The following FN1 variants were observed in gnomAD, a reference collection of about 807,000 sequenced individuals.
FN1 encodes the protein fibronectin.
In FN1, 106 loss-of-function variants were observed where a neutral mutation model predicts 297.3. That is an observed-to-expected ratio of 0.36 (90% confidence interval 0.30 to 0.42). The LOEUF (loss-of-function observed/expected upper bound fraction) is 0.42, where lower values mean the gene tolerates loss of function less well. Ranked by LOEUF, FN1 falls within the 10% of genes least tolerant of loss-of-function variation. The pLI, the probability that FN1 is intolerant of heterozygous loss-of-function variation, is 1.00. For synonymous variants in FN1, 1,149 were observed against 1,152.6 expected (o/e 1.00, Z 0.06); for missense variants, 2,690 against 3,124.9 (o/e 0.86, Z 3.32).
In FN1 at chr2:215,404,540, G is replaced by A. The variant is rs1488485663; in HGVS notation, c.3102C>T (p.Thr1034=). ...TGTACTGCCTGGGCTGTCCTCTTCGGGTAAGGCCCACGGTCAGTCGGTATC... is the reference window on the plus strand; with the variant it reads ...TGTACTGCCTGGGCTGTCCTCTTCGAGTAAGGCCCACGGTCAGTCGGTATC... ...ITGYRLTVGL[T]RRGQPRQYNV... is the part of the protein sequence containing the mutation. The change falls in exon 20 of 46, where the codon ACC becomes ACT. Residue 1034 remains threonine, a synonymous_variant. Coordinates refer to ENST00000354785, the MANE Select transcript of FN1 (RefSeq NM_212482.4). 6.2e-7 allele frequency: 1 copy of A among 1,614,128 alleles called. No homozygotes were observed. Among genetic ancestry groups the A allele is most frequent in the Admixed American group, 1.7e-5 (1 of 60,016 alleles).
Position 215,384,015 on chromosome 2 carries a change from T to A in FN1, c.4894+5A>T, listed in dbSNP as rs775412418. ...CTGGTGTCACCCCAGAGTAGAAGTT[T>A]GTACCTGTTCGGTAATTAATGGAAA... On this transcript the variant is annotated splice_donor_5th_base_variant and intron_variant, in intron 30 of 45. Coordinates refer to ENST00000354785, the MANE Select transcript of FN1 (RefSeq NM_212482.4). 4.3e-6 allele frequency: 7 copies of A among 1,613,898 alleles called. No homozygotes were observed. The African/African-American group carries it at 9.3e-5, about 22-fold the overall frequency.
chr2:215,388,140 G>T, intron 27 of FN1, 72 bp downstream of exon 27: 1 of 1,056,156 alleles, frequency 9.5e-7, no homozygotes, highest in Non-Finnish European at 1.5e-6. Context: ...ATTTTTAGAA[G>T]TAGCATTTCA....
Position 215,404,568 on chromosome 2 carries a change from G to C in FN1, c.3074C>G (p.Thr1025Arg). 1 of 1,614,098 alleles carries C rather than the reference G, an allele frequency of 6.2e-7. No individual in the cohort carries two copies. Among genetic ancestry groups the C allele is most frequent in the Non-Finnish European group, 8.5e-7 (1 of 1,179,996 alleles). Residue 1025 changes from threonine (T) to arginine (R), a missense_variant, in exon 20 of 46, where the codon ACA becomes AGA. Thr to Arg is a moderately conservative substitution (Grantham distance 71, BLOSUM62 -1). This residue lies in a region of FN1 where 1,743 missense variants were observed against 1,945.2 expected (regional missense o/e 0.90). Transcript: ENST00000354785. The stretch of plus-strand genomic sequence containing the variant: ...AAGGCCCACGGTCAGTCGGTATCCT[G>C]TTATCTGGGCCCGAGGTGGAGTCCA... ...VRWTPPRAQI[T>R]GYRLTVGLTR...
At position 215,406,289 on chromosome 2, in the gene FN1, C is replaced by A; in HGVS notation, c.2935G>T (p.Ala979Ser). The A allele has an allele frequency of 6.2e-7, 1 of 1,614,200 alleles. No individual in the cohort carries two copies. Among genetic ancestry groups the A allele is most frequent in the Middle Eastern group, 1.6e-4 (1 of 6,062 alleles). ...TTGCTCTCCCTCCCATGGCTCACTG[C>A]AAAGACTTTGAAGTAATAGGTGACC... ...PGVTYYFKVF[A>S]VSHGRESKPL... Residue 979 changes from alanine to serine, a missense_variant, in exon 19 of 46, where the codon GCA (alanine) becomes TCA (serine). Coordinates refer to ENST00000354785, the MANE Select transcript of FN1 (RefSeq NM_212482.4).
At chr2:215,401,370 A>C (rs2061149301) in intron 20 of FN1, among the ~76,000 whole-genome samples, 1 of 152,098 alleles carries the variant, frequency 6.6e-6, no homozygotes, top group Admixed American at 6.5e-5. Flanking sequence ...AGAAAGAGGC[A>C]TGTATATATA....
chr2:215,382,442 T>G, intron 31 of FN1, 117 bp from the exon 32 acceptor site: 1 of 703,376 alleles, frequency 1.4e-6, no homozygotes, highest in Non-Finnish European at 2.6e-6. Flanking sequence ...TTTGCAGAAT[T>G]GTAACAAAAA....
chr2:215,376,117 A>G (rs1369864144), intron 36 of FN1, among the ~76,000 whole-genome samples: 1 of 152,216 alleles, frequency 6.6e-6, no homozygotes, highest in African/African-American at 2.4e-5. Flanking sequence ...TTCGGTTACA[A>G]TTTTGGCCTT....
rs577845927 is a variant in FN1 at position 215,401,169 on chromosome 2, AAGAG to A, written c.3254-1822_3254-1819del. ...TAGCACCAAAAATAAGAAAGAAAGA[AAGAG>A]AGAGAGAGTGAGAGAGAAAGAAAGA... On this transcript the variant is annotated intron_variant, in intron 20 of 45. Coordinates refer to ENST00000354785, the MANE Select transcript of FN1 (RefSeq NM_212482.4). 1.2e-3 allele frequency among the ~76,000 whole-genome samples: 149 copies of A among 127,220 alleles called. 3 individuals carry two copies. The East Asian group carries it at 0.015, about 13-fold the overall frequency. 83.5% of individuals were successfully genotyped at this position (127,220 alleles called of 152,430 possible). A position where few individuals can be genotyped will look rare whatever the true frequency, so the allele number is the denominator to read the frequency against.
rs752106647 is a variant in FN1 at position 215,406,406 on chromosome 2, C to T, written c.2818G>A (p.Asp940Asn). The stretch of plus-strand genomic sequence containing the variant: ...CCAGGCAGGTTGACGGGGATCACAT[C>T]CACACGGTAGCCGGTCACTGCACTC... ...PESAVTGYRV[D>N]VIPVNLPGEH... is the part of the protein sequence containing the mutation. The change falls in exon 19 of 46, where the codon GAT becomes AAT. Residue 940 changes from aspartate to asparagine, a missense_variant. Coordinates refer to ENST00000354785, the MANE Select transcript of FN1 (RefSeq NM_212482.4). 1.2e-6 allele frequency: 2 copies of T among 1,614,178 alleles called. No individual in the cohort carries two copies. The highest frequency in any genetic ancestry group is 1.7e-5 in the Admixed American group (1 of 60,028).
chr2:215,403,271 A>G (rs1298965125), intron 20 of FN1, among the ~76,000 whole-genome samples: 1 of 152,206 alleles, frequency 6.6e-6, no homozygotes, highest in East Asian at 1.9e-4. Flanking sequence ...TTCATGAGCC[A>G]AACTTCATAC....
chr2:215,423,823 A>G (rs1281508044), intron 8 of FN1, among the ~76,000 whole-genome samples: 2 of 152,206 alleles, frequency 1.3e-5, no homozygotes, highest in Non-Finnish European at 2.9e-5. Context: ...TAAGGCACTA[A>G]AACATTCATC....
intron 39 of FN1, among the ~76,000 whole-genome samples, chr2:215,372,696 TTCTC>T (rs148921427): frequency 2.0e-5 from 3 of 152,224 alleles, no homozygotes; most frequent in South Asian, 2.1e-4. Context: ...GTCTTTCTCT[TTCTC>T]TCTTTCTTTT....
chr2:215,424,320 T>C lies in FN1; in HGVS notation c.1042A>G (p.Thr348Ala). ...TTTGAGTTGCCACCGTAAGTCTGGG[T>C]TACAGCTACAATCATAATCAAAAGA... ...NGVSCQETAV[T>A]QTYGGNSNGE... Residue 348 changes from threonine to alanine, a missense_variant, in exon 8 of 46, where the codon ACC becomes GCC. Around this residue, in one of 3 missense-constraint regions of FN1, gnomAD observed 876 missense variants for 1,058.1 expected, o/e 0.83. Coordinates refer to ENST00000354785, the MANE Select transcript of FN1 (RefSeq NM_212482.4). 6.2e-7 allele frequency: 1 copy of C among 1,613,532 alleles called. No individual in the cohort carries two copies.
Position 215,372,283 on chromosome 2 carries a change from C to G in FN1, c.6340G>C (p.Val2114Leu). 1 of 1,614,092 alleles carries G rather than the reference C, an allele frequency of 6.2e-7. No homozygotes were observed. The highest frequency in any genetic ancestry group is 8.5e-7 in the Non-Finnish European group (1 of 1,180,016). ...CCAGTGTCATACCCAGGGTGGGTGA[C>G]GAAAGGGGTCTTTTGAACTGTGGAA... is the stretch of plus-strand genomic sequence containing the variant. Reference protein sequence around the residue: ...VPSTVQKTPFVTHPGYDTGNG... With the variant: ...VPSTVQKTPFLTHPGYDTGNG... The change falls in exon 40 of 46, where the codon GTC becomes CTC. Residue 2114 changes from valine to leucine, a missense_variant. Around this residue, in one of 3 missense-constraint regions of FN1, gnomAD observed 1,743 missense variants for 1,945.2 expected, o/e 0.90. Transcript: ENST00000354785.
chr2:215,411,603 A>T (rs1037579250), intron 13 of FN1, among the ~76,000 whole-genome samples: 2 of 152,012 alleles, frequency 1.3e-5, no homozygotes, highest in African/African-American at 4.8e-5. Context: ...AATTTTTGTA[A>T]TTGTTAAAAA....
At chr2:215,401,223 A>AAGGAAGG (rs1559474622) in intron 20 of FN1, among the ~76,000 whole-genome samples, 1 of 54,440 alleles carries the variant, frequency 1.8e-5, no homozygotes, top group African/African-American at 7.6e-5. Flanking sequence ...AGAAAGAAAG[A>AAGGAAGG]AAGAAAGAAA....
At chr2:215,390,120 A>C (rs2059544889) in intron 26 of FN1, among the ~76,000 whole-genome samples, 3 of 152,148 alleles carry the variant, frequency 2.0e-5, no homozygotes, top group Admixed American at 2.0e-4. Flanking sequence ...TTCCATTTCC[A>C]CCATACTAGC....
chr2:215,432,293 G>A (rs1435589084), intron 3 of FN1, among the ~76,000 whole-genome samples: 2 of 152,174 alleles, frequency 1.3e-5, no homozygotes, highest in Non-Finnish European at 2.9e-5. Context: ...ATACACAGCA[G>A]GCTAAGACTG....
In FN1 at chr2:215,434,828, C is replaced by A. The variant is rs2692234; in HGVS notation, c.149-4G>T. 0.26 allele frequency: 420,215 copies of A among 1,597,792 alleles called. 69,931 individuals carry two copies. Among genetic ancestry groups the A allele is most frequent in the East Asian group, 0.93 (41,858 of 44,792 alleles). ...TTTCCATTGTCATAACAACCGGCTG[C>A]AAATAATTGAAGGAAAACGTTACAT... On this transcript the variant is annotated splice_polypyrimidine_tract_variant and splice_region_variant and intron_variant, in intron 1 of 45. Coordinates refer to ENST00000354785, the MANE Select transcript of FN1 (RefSeq NM_212482.4).
Sources: allele counts gnomAD v4.1 joint callset (sites outside exome capture counted in the v4.1 genomes callset), GRCh38; gene constraint gnomAD v4.1.1; regional missense constraint gnomAD v4.1.1; transcripts MANE v1.5; gene names NCBI Gene and HGNC (gene_info 2026-07-23, HGNC 2026-07-21).